PCDHGA5: variants seen among roughly 807,000 people sequenced by gnomAD.
PCDHGA5 encodes protocadherin gamma-A5.
PCDHGA5 carries 36 observed loss-of-function variants against 56.7 expected under a neutral mutation model. That is an observed-to-expected ratio of 0.64 (90% confidence interval 0.49 to 0.84). The LOEUF is 0.84. Ranked by LOEUF, PCDHGA5 falls within the 40% of genes least tolerant of loss-of-function variation. PCDHGA5 has a pLI of 0.00. For missense variants in PCDHGA5, 1,305 were observed against 1,201.5 expected (o/e 1.09, Z -1.27); for synonymous variants, 563 against 520.2 (o/e 1.08, Z -1.12).
chr5:141,370,336 G>A, intron 1 of PCDHGA5: 1 of 1,441,770 alleles, frequency 6.9e-7, no homozygotes, highest in Non-Finnish European at 9.4e-7. Flanking sequence ...GAGAACTCTT[G>A]GGATTATTTA....
intron 1 of PCDHGA5, chr5:141,383,530 G>A: frequency 6.2e-7 from 1 of 1,612,674 alleles, no homozygotes; most frequent in Non-Finnish European, 8.5e-7. Flanking sequence ...TCACCACCTG[G>A]TCCTCACAGC....
chr5:141,455,529 G>A (rs2098825323), intron 1 of PCDHGA5, among the ~76,000 whole-genome samples: 1 of 152,146 alleles, frequency 6.6e-6, no homozygotes, highest in Non-Finnish European at 1.5e-5. Flanking sequence ...GGTTTGACCA[G>A]GCATATCATT....
In PCDHGA5 at chr5:141,477,650, A is replaced by G. The variant is rs199931735; in HGVS notation, c.2422-17157A>G. ...CGGGCTAGTGGGTCGCTATTTCACA[A>G]TAAATCGTGACAATGGCATAGTGTC... On this transcript the variant is annotated intron_variant, in intron 1 of 3. Transcript: ENST00000518069. This position sits in a 1 kb window ranked among gnomAD's most constrained non-coding sequence, Gnocchi z 4.9. The G allele has an allele frequency of 6.2e-6, 10 of 1,614,212 alleles. No individual in the cohort carries two copies. The highest frequency in any genetic ancestry group is 2.2e-5 in the East Asian group (1 of 44,888).
At chr5:141,418,163 T>G in intron 1 of PCDHGA5, 1 of 1,614,002 alleles carries the variant, frequency 6.2e-7, no homozygotes, top group Non-Finnish European at 8.5e-7. Context: ...GAGAAGAAGA[T>G]GTGAGTTGCA....
chr5:141,501,693 G>T (rs1417828433), intron 2 of PCDHGA5, among the ~76,000 whole-genome samples: 1 of 152,028 alleles, frequency 6.6e-6, no homozygotes, highest in Non-Finnish European at 1.5e-5. Context: ...TATCTGCAGG[G>T]TGATTCCGAG....
intron 1 of PCDHGA5, chr5:141,371,822 C>T (rs3749776): frequency 0.026 from 42,283 of 1,613,860 alleles, 714 homozygotes; most frequent in East Asian, 0.041. Flanking sequence ...ATGTCAGAGC[C>T]TCGGATCCCG....
intron 1 of PCDHGA5, among the ~76,000 whole-genome samples, chr5:141,457,543 A>G (rs555448211): frequency 2.6e-5 from 4 of 152,346 alleles, no homozygotes; most frequent in African/African-American, 9.6e-5. Flanking sequence ...TTAATGACAA[A>G]TGTATGATAA....
At chr5:141,419,792 G>T (rs1379811891) in intron 1 of PCDHGA5, 15 of 1,613,924 alleles carry the variant, frequency 9.3e-6, no homozygotes, top group African/African-American at 2.7e-5. Flanking sequence ...CCTGCTAGTC[G>T]CTGTAAGAGA....
At chr5:141,413,570 A>C in intron 1 of PCDHGA5, 1 of 1,613,930 alleles carries the variant, frequency 6.2e-7, no homozygotes. Context: ...GATATCAATG[A>C]CAATGCTCCA....
intron 1 of PCDHGA5, chr5:141,394,371 T>G: frequency 6.2e-7 from 1 of 1,614,174 alleles, no homozygotes; most frequent in Non-Finnish European, 8.5e-7. Context: ...GCTGCAATCT[T>G]TCGACTATGA....
Position 141,487,321 on chromosome 5 carries a change from T to C in PCDHGA5, c.2422-7486T>C. 1.2e-6 allele frequency: 2 copies of C among 1,614,198 alleles called. No individual in the cohort carries two copies. The highest frequency in any genetic ancestry group is 1.7e-6 in the Non-Finnish European group (2 of 1,180,040). Reference sequence around the variant, plus strand: ...TCGTGGCACTACTCTCTAAGTGTCTTCGTGGGGCAGCCTGTGGAGTCACAT... The same window carrying C: ...TCGTGGCACTACTCTCTAAGTGTCTCCGTGGGGCAGCCTGTGGAGTCACAT... On this transcript the variant is annotated intron_variant, in intron 1 of 3. Transcript: ENST00000518069. The surrounding 1 kb of genome is among the most constrained non-coding windows in gnomAD (Gnocchi z 5.0).
chr5:141,477,697 T>G lies in PCDHGA5; in HGVS notation c.2422-17110T>G, dbSNP rs745625196. ...TGTCATCCTTAGTGCCCCTAGACTA[T>G]GAGGATCGGCGGGAATTTGAATTAA... On this transcript the variant is annotated intron_variant, in intron 1 of 3. Coordinates refer to ENST00000518069, the MANE Select transcript of PCDHGA5 (RefSeq NM_018918.3). The surrounding 1 kb of genome is among the most constrained non-coding windows in gnomAD (Gnocchi z 4.9). 6.2e-7 allele frequency: 1 copy of G among 1,614,160 alleles called. No homozygotes were observed. Among genetic ancestry groups the G allele is most frequent in the South Asian group, 1.1e-5 (1 of 91,090 alleles).
At position 141,431,641 on chromosome 5, in the gene PCDHGA5, A is replaced by G. The variant is rs772686680; in HGVS notation, c.2422-63166A>G. ...ACAAGGCGGCCCAAGTTTTCAAACT[A>G]GATTGTAATTCAGGGACAATATCAA... is the stretch of plus-strand genomic sequence containing the variant. On this transcript the variant is annotated intron_variant, in intron 1 of 3. Coordinates refer to ENST00000518069, the MANE Select transcript of PCDHGA5 (RefSeq NM_018918.3). This position sits in a 1 kb window ranked among gnomAD's most constrained non-coding sequence, Gnocchi z 4.8. The G allele has an allele frequency of 6.2e-7, 1 of 1,614,270 alleles. No individual in the cohort carries two copies. Among genetic ancestry groups the G allele is most frequent in the South Asian group, 1.1e-5 (1 of 91,092 alleles).
At chr5:141,471,637 T>C (rs1284100810) in intron 1 of PCDHGA5, 2 of 152,198 alleles carry the variant, frequency 1.3e-5, no homozygotes, top group Non-Finnish European at 2.9e-5. Context: ...TATGGATTAG[T>C]AATATACTGG....
intron 1 of PCDHGA5, chr5:141,371,346 G>A: frequency 6.2e-7 from 1 of 1,613,880 alleles, no homozygotes; most frequent in Non-Finnish European, 8.5e-7. Flanking sequence ...CTACACAATT[G>A]GGGTGGAAGC....
At chr5:141,448,223 T>C (rs1377619033) in intron 1 of PCDHGA5, among the ~76,000 whole-genome samples, 1 of 152,204 alleles carries the variant, frequency 6.6e-6, no homozygotes, top group Non-Finnish European at 1.5e-5. Context: ...TGCGAATGTA[T>C]GTGTGGGGTT....
At chr5:141,423,042 G>A in intron 1 of PCDHGA5, 1 of 1,614,220 alleles carries the variant, frequency 6.2e-7, no homozygotes, top group Non-Finnish European at 8.5e-7. Context: ...ACGCCTGGCT[G>A]TCCTATCGCC....
At chr5:141,447,535 G>C (rs1366016262) in intron 1 of PCDHGA5, among the ~76,000 whole-genome samples, 1 of 152,162 alleles carries the variant, frequency 6.6e-6, no homozygotes, top group African/African-American at 2.4e-5. Flanking sequence ...AAATTGTTGG[G>C]TTTTAATGTT....
At chr5:141,438,949 A>G (rs538626951) in intron 1 of PCDHGA5, among the ~76,000 whole-genome samples, 1 of 152,170 alleles carries the variant, frequency 6.6e-6, no homozygotes, top group East Asian at 1.9e-4. Flanking sequence ...TATAGGCATG[A>G]GCCACCGCAC....
Sources: gnomAD v4.1 joint callset for allele counts (sites outside exome capture counted in the v4.1 genomes callset) on GRCh38, gnomAD v4.1.1 for gene constraint, Gnocchi (gnomAD v3.1) non-coding constraint, MANE v1.5 for transcripts, NCBI Gene and HGNC (gene_info 2026-07-23, HGNC 2026-07-21) for gene names.